Variants in USP7 observed in about 807,000 individuals in gnomAD.
USP7 encodes the protein ubiquitin C-terminal hydrolase 7.
In USP7, 9 loss-of-function variants were observed where a neutral mutation model predicts 162.9. That is an observed-to-expected ratio of 0.06 (90% CI 0.03 to 0.10). The LOEUF is 0.10. USP7 is among the 10% of genes least tolerant of loss of function. The probability of loss-of-function intolerance (pLI) is 1.00; values close to 1 mark genes in which losing one functional copy is unlikely to be tolerated. For missense variants in USP7, 715 were observed against 1,373.7 expected, an observed-to-expected ratio of 0.52 and a Z score of 7.58; for synonymous variants, 562 against 475.9, an observed-to-expected ratio of 1.18 and a Z score of -2.35.
At chr16:8,898,246 G>A in intron 25 of USP7, 114 bp downstream of exon 25, 1 of 907,742 alleles carries the variant, frequency 1.1e-6, no homozygotes, top group Non-Finnish European at 1.7e-6. Context: ...CCCATCATGT[G>A]CTGTTGTTTA....
rs376512834 is a variant in USP7 at position 8,951,726 on chromosome 16, T to C, written c.79+11481A>G. On this transcript the variant is annotated intron_variant, in intron 1 of 30. Coordinates refer to ENST00000344836, the MANE Select transcript of USP7 (RefSeq NM_003470.3). ...CAGACAAGACTCAGGCCTTTTCACA[T>C]TTAAATCTCTCCATACACTCAGATA... 7.2e-5 allele frequency among the ~76,000 whole-genome samples: 11 copies of C among 152,348 alleles called. No individual in the cohort carries two copies. In the East Asian group the frequency reaches 1.7e-3, roughly 24 times the overall value.
chr16:8,909,979 T>C (rs967670574), intron 11 of USP7, among the ~76,000 whole-genome samples: 1 of 152,170 alleles, frequency 6.6e-6, no homozygotes, highest in African/African-American at 2.4e-5. Context: ...CCAACTGGAC[T>C]GACCTAGCAG....
At chr16:8,917,662 A>C (rs1375153760) in intron 6 of USP7, among the ~76,000 whole-genome samples, 1 of 152,184 alleles carries the variant, frequency 6.6e-6, no homozygotes, top group African/African-American at 2.4e-5. Context: ...TATAGGCGAG[A>C]GCTACCGCAC....
chr16:8,928,757 G>T (rs982497101), intron 2 of USP7, among the ~76,000 whole-genome samples: 1 of 152,192 alleles, frequency 6.6e-6, no homozygotes, highest in Non-Finnish European at 1.5e-5. Context: ...GTCACAAGAA[G>T]GGCATTTCCA....
chr16:8,894,304 CCT>C, intron 30 of USP7, among the ~76,000 whole-genome samples, 200 bp from the exon 31 acceptor site: 1 of 152,300 alleles, frequency 6.6e-6, no homozygotes, highest in South Asian at 2.1e-4. Context: ...CCCTCACAAC[CCT>C]GAGTCTCAAT....
At chr16:8,903,036 G>C (rs1378209910) in intron 16 of USP7, among the ~76,000 whole-genome samples, 2 of 152,164 alleles carry the variant, frequency 1.3e-5, no homozygotes, top group South Asian at 2.1e-4. Flanking sequence ...TGAGGAAAAG[G>C]GGTGAAAACA....
rs9788866 is a variant in USP7, at chr16:8,903,211, G to A, written c.1839+57C>T. On this transcript the variant is annotated intron_variant, in intron 16 of 30. Transcript: ENST00000344836. The stretch of plus-strand genomic sequence containing the variant: ...GCAATCAGTATTTTCTAGTGACACG[G>A]AAGGAAGGTGGACGTTGGGAGCCAC... 1.3e-4 allele frequency: 208 copies of A among 1,581,264 alleles called. 3 individuals carry two copies. The East Asian group carries it at 4.6e-3, about 35-fold the overall frequency.
At chr16:8,921,390 TTATGA>T in intron 3 of USP7, 95 bp from the exon 4 acceptor site, 4 of 1,406,830 alleles carry the variant, frequency 2.8e-6, no homozygotes, top group Non-Finnish European at 3.9e-6. Context: ...AAATTCCCAT[TTATGA>T]TTTCATTGCT....
In USP7 at chr16:8,898,342, A is replaced by C. The variant is rs1210651465; in HGVS notation, c.2718+18T>G. On this transcript the variant is annotated intron_variant, in intron 25 of 30. Transcript: ENST00000344836. ...AGTTCCAATAAAAATTAAAATTCATAGTATTAAAAAAACTTACCTCTTCCC... is the reference window on the plus strand; with the variant it reads ...AGTTCCAATAAAAATTAAAATTCATCGTATTAAAAAAACTTACCTCTTCCC... 6.4e-7 allele frequency: 1 copy of C among 1,565,884 alleles called. No homozygotes were observed.
At position 8,923,286 on chromosome 16, in the gene USP7, G is replaced by A. The variant is rs1897805457; in HGVS notation, c.312C>T (p.Arg104=). Residue 104 remains arginine, a synonymous_variant, in exon 3 of 31, where the codon CGC becomes CGT. Coordinates refer to ENST00000344836, the MANE Select transcript of USP7 (RefSeq NM_003470.3). The part of the protein sequence containing the change: ...NLPWKIMVMP[R]FYPDRPHQKS... ...TTTGGTGTGGTCTGTCTGGATAAAA[G>A]CGTGGCATCACCATAATCTTCCATG... 4 of 1,570,066 alleles carry A rather than the reference G, an allele frequency of 2.5e-6. No individual in the cohort carries two copies. The East Asian group carries it at 9.3e-5, about 37-fold the overall frequency.
At chr16:8,944,762 AT>A (rs1204593140) in intron 1 of USP7, among the ~76,000 whole-genome samples, 1 of 152,228 alleles carries the variant, frequency 6.6e-6, no homozygotes, top group African/African-American at 2.4e-5. Context: ...AACACCTGCA[AT>A]TCAAGGGCTG....
rs80267105 is a variant in USP7, at chr16:8,929,311, C to G, written c.184+982G>C. 1.6e-3 allele frequency: 572 copies of G among 356,914 alleles called. 3 individuals carry two copies. Among genetic ancestry groups the G allele is most frequent in the African/African-American group, 0.01 (471 of 46,678 alleles). 22.1% of individuals were successfully genotyped at this position (356,914 alleles called of 1,614,324 possible). ...ACACCCACACCATTGCCCTCGTCTA[C>G]GGTGGAAAGCGCACTCCACAGGTAA... is the stretch of plus-strand genomic sequence containing the variant. On this transcript the variant is annotated intron_variant, in intron 2 of 30. Transcript: ENST00000344836.
Position 8,923,349 on chromosome 16 carries a change from C to G in USP7, c.249G>C (p.Glu83Asp). Residue 83 changes from glutamate to aspartate, a missense_variant, in exon 3 of 31, where the codon GAG becomes GAC. By Grantham distance (45) the Glu-to-Asp change is conservative (BLOSUM62 2). Coordinates refer to ENST00000344836, the MANE Select transcript of USP7 (RefSeq NM_003470.3). ...CAAAACACGGAGGGCTAAGGACCGA[C>G]TCACTCAGTCTGCTGAAGCGCTCCA... ...FTVERFSRLSESVLSPPCFVR... is the reference protein window; with the variant it reads ...FTVERFSRLSDSVLSPPCFVR... The G allele has an allele frequency of 1.2e-6, 2 of 1,614,248 alleles. No individual in the cohort carries two copies. The highest frequency in any genetic ancestry group is 1.7e-6 in the Non-Finnish European group (2 of 1,180,046).
chr16:8,920,215 G>A, intron 5 of USP7, 144 bp downstream of exon 5: 1 of 671,126 alleles, frequency 1.5e-6, no homozygotes. Flanking sequence ...GTGTCAAGCA[G>A]GTGTGACTCT....
intron 13 of USP7, 71 bp downstream of exon 13, chr16:8,906,355 G>A: frequency 2.6e-6 from 4 of 1,547,458 alleles, no homozygotes; most frequent in Non-Finnish European, 3.5e-6. Flanking sequence ...GTAGGAACCA[G>A]AACAGGCTGA....
intron 1 of USP7, among the ~76,000 whole-genome samples, chr16:8,941,109 C>T (rs1291792617): frequency 6.6e-6 from 1 of 152,170 alleles, no homozygotes; most frequent in Non-Finnish European, 1.5e-5. Context: ...GAGCTGCTGC[C>T]CAATTCACAT....
At chr16:8,915,571 TAATA>T in intron 8 of USP7, 46 bp from the exon 9 acceptor site, 1 of 1,492,934 alleles carries the variant, frequency 6.7e-7, no homozygotes. Flanking sequence ...TTGTACTTAG[TAATA>T]TATACAGTAA....
intron 1 of USP7, among the ~76,000 whole-genome samples, chr16:8,955,563 G>A (rs575722911): frequency 8.5e-5 from 13 of 152,106 alleles, no homozygotes; most frequent in Admixed American, 2.6e-4. Context: ...AAAATTAGCC[G>A]GGCATGGCGG....
chr16:8,956,006 C>A (rs1233406594), intron 1 of USP7, among the ~76,000 whole-genome samples: 1 of 152,088 alleles, frequency 6.6e-6, no homozygotes, highest in Non-Finnish European at 1.5e-5. Flanking sequence ...TGGGATGGGA[C>A]CATGTTCCGC....
Sources: gnomAD v4.1 joint callset for allele counts (sites outside exome capture counted in the v4.1 genomes callset) on GRCh38, gnomAD v4.1.1 for gene constraint, MANE v1.5 for transcripts, NCBI Gene and HGNC (gene_info 2026-07-23, HGNC 2026-07-21) for gene names.